ZNF536: variants seen among roughly 807,000 people sequenced by gnomAD.
The protein encoded by ZNF536 is zinc finger protein 536.
Under a neutral mutation model 84.5 loss-of-function variants are expected in ZNF536, and 13 were observed. That is an observed-to-expected ratio of 0.15 (90% confidence interval 0.10 to 0.24). The LOEUF (loss-of-function observed/expected upper bound fraction) is 0.24. Ranked by LOEUF, ZNF536 falls within the 10% of genes least tolerant of loss-of-function variation. The probability of loss-of-function intolerance (pLI) is 1.00; values close to 1 mark genes in which losing one functional copy is unlikely to be tolerated. For synonymous variants in ZNF536, 811 were observed against 742.5 expected, an observed-to-expected ratio of 1.09 and a Z score of -1.50; for missense variants, 1,536 against 1,747.5, an observed-to-expected ratio of 0.88 and a Z score of 2.16.
intron 1 of ZNF536, among the ~76,000 whole-genome samples, chr19:30,676,563 T>A (rs926012507): frequency 1.4e-4 from 22 of 152,386 alleles, no homozygotes; most frequent in African/African-American, 5.3e-4. Flanking sequence ...ATAAAATTAT[T>A]CATGTAGATT....
rs1181407161 is a variant in ZNF536 at position 30,304,425 on chromosome 19, C to T, written c.-120+20284C>T. ...GATGGGAGGGAGCTGAAGTTGTTAT[C>T]CCATTCTCCTGCAAGGAAAGCTGAG... On this transcript the variant is annotated intron_variant, in intron 2 of 5. Transcript: ENST00000585628. Among the ~76,000 whole-genome samples, 9 of 152,256 alleles carry T rather than the reference C, an allele frequency of 5.9e-5. No homozygotes were observed. The South Asian group carries it at 1.0e-3, about 18-fold the overall frequency.
intron 1 of ZNF536, among the ~76,000 whole-genome samples, chr19:30,691,547 G>C (rs949725801): frequency 6.6e-6 from 1 of 152,194 alleles, no homozygotes; most frequent in East Asian, 1.9e-4. Context: ...AATAATTTGC[G>C]AGGCTCCCAA....
Position 30,259,148 on chromosome 19 carries a change from G to A in ZNF536, c.-189-24924G>A, listed in dbSNP as rs547350736. ...GCTTTTTCATTTTGTTTGCAGTTGC[G>A]GGTGGGGAGAAGGTAGCGATTTTGC... is the stretch of plus-strand genomic sequence containing the variant. On this transcript the variant is annotated intron_variant, in intron 1 of 5. Coordinates refer to the ZNF536 transcript ENST00000585628. 2.0e-5 allele frequency among the ~76,000 whole-genome samples: 3 copies of A among 152,232 alleles called. No homozygotes were observed. The South Asian group carries it at 6.2e-4, about 32-fold the overall frequency.
At chr19:30,652,944 A>T (rs1348562544) in intron 1 of ZNF536, among the ~76,000 whole-genome samples, 1 of 152,088 alleles carries the variant, frequency 6.6e-6, no homozygotes, top group African/African-American at 2.4e-5. Context: ...CAAGGCGGGG[A>T]ACCCAGTGAC....
intron 1 of ZNF536, among the ~76,000 whole-genome samples, chr19:30,606,194 T>TAATAA (rs1189636743): frequency 7.1e-5 from 4 of 56,386 alleles, no homozygotes; most frequent in Non-Finnish European, 1.0e-4. Context: ...TAAAATAAAA[T>TAATAA]AATAAAATAA....
At chr19:30,387,690 C>T (rs929933061) in intron 1 of ZNF536, among the ~76,000 whole-genome samples, 9 of 152,342 alleles carry the variant, frequency 5.9e-5, no homozygotes, top group South Asian at 2.1e-4. Context: ...AGAGAGGCTG[C>T]AGACACTAAT....
rs548891848 is a variant in ZNF536, at chr19:30,557,211, G to T, written c.*47G>T. 1 of 1,604,192 alleles carries T rather than the reference G, an allele frequency of 6.2e-7. No individual in the cohort carries two copies. The highest frequency in any genetic ancestry group is 1.1e-5 in the South Asian group (1 of 90,500). On this transcript the variant is annotated 3_prime_UTR_variant, in exon 5 of 5. Transcript: ENST00000355537. Reference sequence around the variant, plus strand: ...TATCTGGACTTGCCCTTGTCTGTTCGTGGTCCTCGGTGGTTATCTGCAGCT... The same window carrying T: ...TATCTGGACTTGCCCTTGTCTGTTCTTGGTCCTCGGTGGTTATCTGCAGCT...
chr19:30,480,960 C>T (rs973468922), intron 2 of ZNF536, among the ~76,000 whole-genome samples: 8 of 147,730 alleles, frequency 5.4e-5, no homozygotes, highest in Non-Finnish European at 1.0e-4. Context: ...GCCCGGGAGG[C>T]GGAGGCTGCA....
chr19:30,535,355 T>G (rs984924877), intron 3 of ZNF536, among the ~76,000 whole-genome samples: 1 of 152,114 alleles, frequency 6.6e-6, no homozygotes, highest in African/African-American at 2.4e-5. Flanking sequence ...CTCCCAGGTG[T>G]CAGTGATGGG....
intron 1 of ZNF536, among the ~76,000 whole-genome samples, chr19:30,596,825 C>T (rs2047481611): frequency 6.6e-6 from 1 of 150,994 alleles, no homozygotes; most frequent in South Asian, 2.1e-4. Flanking sequence ...TGAGATGAGG[C>T]AGATTTCATC....
Position 30,548,468 on chromosome 19 carries a change from A to G in ZNF536, c.2849A>G (p.His950Arg), listed in dbSNP as rs2146202652. 1 of 1,614,212 alleles carries G rather than the reference A, an allele frequency of 6.2e-7. No homozygotes were observed. The highest frequency in any genetic ancestry group is 8.5e-7 in the Non-Finnish European group (1 of 1,180,036). ...ALADPPSMKVHGVDGGEEKPS... is the reference protein window; with the variant it reads ...ALADPPSMKVRGVDGGEEKPS... ...GCTGACCCCCCTTCCATGAAAGTCC[A>G]CGGAGTGGATGGTGGTGAGGAGAAA... Residue 950 changes from histidine to arginine, a missense_variant, in exon 4 of 5, where the codon CAC (histidine) becomes CGC (arginine). His to Arg is a conservative substitution (Grantham distance 29). Transcript: ENST00000355537.
Position 30,674,953 on chromosome 19 carries a change from G to A in ZNF536, c.170-35804G>A, listed in dbSNP as rs570660592. ...GCTGGGCTCCACTGCTTACCTGCCC[G>A]CCTTGTCAAAATCCCTTCCCCCTGA... is the stretch of plus-strand genomic sequence containing the variant. On this transcript the variant is annotated intron_variant, in intron 1 of 1. Transcript: ENST00000592773. 1.7e-4 allele frequency among the ~76,000 whole-genome samples: 26 copies of A among 152,212 alleles called. No homozygotes were observed. The East Asian group carries it at 2.1e-3, about 12-fold the overall frequency.
chr19:30,246,796 C>T (rs2024304603), intron 1 of ZNF536, among the ~76,000 whole-genome samples: 1 of 152,062 alleles, frequency 6.6e-6, no homozygotes, highest in South Asian at 2.1e-4. Context: ...TTTTCTTTTT[C>T]AATTCAATGA....
intron 2 of ZNF536, among the ~76,000 whole-genome samples, chr19:30,330,896 C>T (rs188045912): frequency 5.9e-5 from 9 of 152,242 alleles, no homozygotes; most frequent in East Asian, 1.9e-4. Flanking sequence ...TTCACTGCTC[C>T]GCTCACACAA....
intron 2 of ZNF536, among the ~76,000 whole-genome samples, chr19:30,497,885 C>T (rs1436717206): frequency 6.6e-6 from 1 of 152,172 alleles, no homozygotes; most frequent in Non-Finnish European, 1.5e-5. Flanking sequence ...AGAAGCCTCA[C>T]TTCCTGAAGT....
At position 30,445,669 on chromosome 19, in the gene ZNF536, G is replaced by A. The variant is rs1280378699; in HGVS notation, c.2107G>A (p.Gly703Ser). The change falls in exon 2 of 5, where the codon GGC becomes AGC. Residue 703 changes from glycine to serine, a missense_variant. By Grantham distance (56) the Gly-to-Ser change is moderately conservative. This residue lies in a region of ZNF536 where 148 missense variants were observed against 205.4 expected (regional missense o/e 0.72). Coordinates refer to ENST00000355537, the MANE Select transcript of ZNF536 (RefSeq NM_014717.3). The surrounding 1 kb of genome is among the most constrained non-coding windows in gnomAD (Gnocchi z 4.5). ...NVTEESGVGGGLSQTGSAQED... is the reference protein window; with the variant it reads ...NVTEESGVGGSLSQTGSAQED... ...CACCGAGGAGAGCGGGGTCGGAGGC[G>A]GCCTCTCCCAGACCGGGAGTGCCCA... The A allele has an allele frequency of 1.9e-6, 3 of 1,607,652 alleles. No homozygotes were observed. Among genetic ancestry groups the A allele is most frequent in the South Asian group, 2.2e-5 (2 of 90,196 alleles).
chr19:30,423,853 G>T (rs2051093293), intron 1 of ZNF536, among the ~76,000 whole-genome samples: 1 of 151,692 alleles, frequency 6.6e-6, no homozygotes, highest in Admixed American at 6.6e-5. Flanking sequence ...GTGGGGGCAG[G>T]TGGGAGGGTG....
At chr19:30,700,147 C>CTTCTTTCCTTCTT (rs2051845067) in intron 1 of ZNF536, among the ~76,000 whole-genome samples, 1 of 103,766 alleles carries the variant, frequency 9.6e-6, no homozygotes, top group African/African-American at 3.2e-5. Context: ...CCTTCCTTCC[C>CTTCTTTCCTTCTT]TTCTTTCCTT....
At chr19:30,526,496 G>A (rs1216635413) in intron 2 of ZNF536, among the ~76,000 whole-genome samples, 2 of 149,480 alleles carry the variant, frequency 1.3e-5, no homozygotes, top group East Asian at 1.9e-4. Context: ...AGGCCGAGGC[G>A]GGCGGATCAC....
Sources: allele counts gnomAD v4.1 joint callset (sites outside exome capture counted in the v4.1 genomes callset), GRCh38; gene constraint gnomAD v4.1.1; regional missense constraint gnomAD v4.1.1; non-coding constraint Gnocchi (gnomAD v3.1); transcripts MANE v1.5; gene names NCBI Gene and HGNC (gene_info 2026-07-23, HGNC 2026-07-21).